Variants in TSPYL1 observed in about 807,000 individuals in gnomAD.
TSPYL1 encodes the protein TSPY like 1.
Under a neutral mutation model 20.1 loss-of-function variants are expected in TSPYL1, and 16 were observed. That is an observed-to-expected ratio of 0.80 (90% confidence interval 0.54 to 1.21). TSPYL1 has a LOEUF of 1.21. TSPYL1 is among the 50% of genes most tolerant of loss of function. The pLI, the probability that TSPYL1 is intolerant of heterozygous loss-of-function variation, is 0.00. For missense variants in TSPYL1, 560 were observed against 569.3 expected, an observed-to-expected ratio of 0.98 and a Z score of 0.17; for synonymous variants, 259 against 227.1, an observed-to-expected ratio of 1.14 and a Z score of -1.26.
chr6:116,278,463 G>C lies in TSPYL1; in HGVS notation c.*54C>G, dbSNP rs1773270699. The C allele has an allele frequency of 4.3e-6, 7 of 1,610,466 alleles. No homozygotes were observed. The highest frequency in any genetic ancestry group is 1.3e-5 in the African/African-American group (1 of 74,842). On this transcript the variant is annotated 3_prime_UTR_variant, in exon 1 of 1. Transcript: ENST00000368608. ...ACTCATTGCTGATGCCCAAGCACAG[G>C]TCCAGCAGAAGGTGGTAGGAGACCT...
At position 116,279,324 on chromosome 6, in the gene TSPYL1, C is replaced by G; in HGVS notation, c.507G>C (p.Glu169Asp). The G allele has an allele frequency of 6.2e-7, 1 of 1,610,814 alleles. No individual in the cohort carries two copies. The change falls in exon 1 of 1, where the codon GAG (glutamate) becomes GAC (aspartate). Residue 169 changes from glutamate to aspartate, a missense_variant. Physicochemically the swap from Glu to Asp is conservative, Grantham distance 45 (BLOSUM62 2). Coordinates refer to ENST00000368608, the MANE Select transcript of TSPYL1 (RefSeq NM_003309.4). ...CCTTCACCACCTCAGCGCTCTCCCT[C>G]TCAGCCACGGCTGCTGAGACGGTGG... is the stretch of plus-strand genomic sequence containing the variant. ...KCATVSAAVA[E>D]RESAEVVKEG... is the part of the protein sequence containing the mutation.
rs1412982846 is a variant in TSPYL1, at chr6:116,276,163, T to TA, written c.*2353dup. On this transcript the variant is annotated 3_prime_UTR_variant, in exon 1 of 1. Transcript: ENST00000368608. ...AACAGAAAGACTTTGGCAGAGGAATTACCAAGGGCAGGCCTTGAAGGATTT... is the reference window on the plus strand; with the variant it reads ...AACAGAAAGACTTTGGCAGAGGAATTAACCAAGGGCAGGCCTTGAAGGATTT... Among the ~76,000 whole-genome samples, 1 of 152,166 alleles carries TA rather than the reference T, an allele frequency of 6.6e-6. No homozygotes were observed. The highest frequency in any genetic ancestry group is 2.4e-5 in the African/African-American group (1 of 41,442).
chr6:116,279,410 C>G lies in TSPYL1; in HGVS notation c.421G>C (p.Ala141Pro), dbSNP rs1773347179. ...TCCGCCCCCGCCGTCAGCTCAGACG[C>G]GGATCTCTGGGCGCCACAGATTTCT... is the stretch of plus-strand genomic sequence containing the variant. ...ALEICGAQRS[A>P]SELTAGAEAE... Residue 141 changes from alanine to proline, a missense_variant, in exon 1 of 1, where the codon GCG becomes CCG. Transcript: ENST00000368608. The G allele has an allele frequency of 1.2e-6, 2 of 1,613,350 alleles. No homozygotes were observed. Among genetic ancestry groups the G allele is most frequent in the Non-Finnish European group, 1.7e-6 (2 of 1,180,036 alleles).
At position 116,278,905 on chromosome 6, in the gene TSPYL1, A is replaced by G. The variant is rs1773301344; in HGVS notation, c.926T>C (p.Val309Ala). 1 of 1,613,912 alleles carries G rather than the reference A, an allele frequency of 6.2e-7. No individual in the cohort carries two copies. The highest frequency in any genetic ancestry group is 8.5e-7 in the Non-Finnish European group (1 of 1,180,018). ...GGTTCTAGGGTGTCTGAGTTCCTTC[A>G]CCTCTAAATTGGTTATGTACCTTAA... ...EMLRYITNLE[V>A]KELRHPRTGC... is the part of the protein sequence containing the mutation. Residue 309 changes from valine (V) to alanine (A), a missense_variant, in exon 1 of 1, where the codon GTG (valine) becomes GCG (alanine). Physicochemically the swap from Val to Ala is moderately conservative, Grantham distance 64. Transcript: ENST00000368608.
chr6:116,275,798 C>CAAA lies in TSPYL1; in HGVS notation c.*2716_*2718dup, dbSNP rs386408358. ...CCTGGGCAAGAGTGGGACTCTATCT[C>CAAA]AAAAAAAAAAAAAAAAAATGCTAGA... On this transcript the variant is annotated 3_prime_UTR_variant, in exon 1 of 1. Transcript: ENST00000368608. Among the ~76,000 whole-genome samples, 153 of 105,494 alleles carry CAAA rather than the reference C, an allele frequency of 1.5e-3. No individual in the cohort carries two copies. The highest frequency in any genetic ancestry group is 1.7e-3 in the African/African-American group (57 of 33,420). 69.2% of individuals were successfully genotyped at this position (105,494 alleles called of 152,430 possible).
Position 116,279,657 on chromosome 6 carries a change from C to A in TSPYL1, c.174G>T (p.Ala58=), listed in dbSNP as rs1304481739. 2 of 1,606,374 alleles carry A rather than the reference C, an allele frequency of 1.2e-6. No individual in the cohort carries two copies. The highest frequency in any genetic ancestry group is 1.7e-6 in the Non-Finnish European group (2 of 1,179,914). The change falls in exon 1 of 1, where the codon GCG becomes GCT. Residue 58 remains alanine (A), a synonymous_variant. Transcript: ENST00000368608. ...EPGEGGSETV[A]LPPPPPSEEG... is the part of the protein sequence containing the mutation. ...CCTCTGAAGGCGGTGGAGGCGGGAG[C>A]GCGACGGTCTCCGAGCCTCCCTCAC...
rs574530006 is a variant in TSPYL1, at chr6:116,275,459, T to G, written c.*3058A>C. Among the ~76,000 whole-genome samples the G allele has an allele frequency of 6.6e-6, 1 of 152,234 alleles. No homozygotes were observed. Among genetic ancestry groups the G allele is most frequent in the Non-Finnish European group, 1.5e-5 (1 of 68,048 alleles). On this transcript the variant is annotated 3_prime_UTR_variant, in exon 1 of 1. Transcript: ENST00000368608. ...AGGTTATTTTGTTCTTTTTCCTCCA[T>G]CTGAGTTTTGTCATTCAATATTTAT...
rs568831648 is a variant in TSPYL1 at position 116,276,357 on chromosome 6, A to C, written c.*2160T>G. Among the ~76,000 whole-genome samples, 48 of 152,340 alleles carry C rather than the reference A, an allele frequency of 3.2e-4. No individual in the cohort carries two copies. The highest frequency in any genetic ancestry group is 1.2e-3 in the African/African-American group (48 of 41,576). ...ATATAATTTATGGAGACAGAAATGG[A>C]GGATTTGAGCAACTGAAGGGGAGGT... On this transcript the variant is annotated 3_prime_UTR_variant, in exon 1 of 1. Coordinates refer to ENST00000368608, the MANE Select transcript of TSPYL1 (RefSeq NM_003309.4).
rs1435562802 is a variant in TSPYL1, at chr6:116,279,792, G to A, written c.39C>T (p.Leu13=). The change falls in exon 1 of 1, where the codon CTC becomes CTT. Residue 13 remains leucine (L), a synonymous_variant. Coordinates refer to ENST00000368608, the MANE Select transcript of TSPYL1 (RefSeq NM_003309.4). The stretch of plus-strand genomic sequence containing the variant: ...CAGAAATAATGATGCTGTGGGTTTG[G>A]AGGGGAGTGGTCCTCTTGACCCCAT... The part of the protein sequence containing the change: ...GLDGVKRTTP[L]QTHSIIISDQ... The A allele has an allele frequency of 6.2e-7, 1 of 1,612,948 alleles. No individual in the cohort carries two copies. Among genetic ancestry groups the A allele is most frequent in the Non-Finnish European group, 8.5e-7 (1 of 1,180,040 alleles).
chr6:116,279,068 G>C lies in TSPYL1; in HGVS notation c.763C>G (p.His255Asp). 2 of 1,613,282 alleles carry C rather than the reference G, an allele frequency of 1.2e-6. No individual in the cohort carries two copies. Among genetic ancestry groups the C allele is most frequent in the Non-Finnish European group, 1.7e-6 (2 of 1,179,360 alleles). The change falls in exon 1 of 1, where the codon CAC (histidine) becomes GAC (aspartate). Residue 255 changes from histidine (H) to aspartate (D), a missense_variant. Physicochemically the swap from His to Asp is moderately conservative, Grantham distance 81 (BLOSUM62 -1). Transcript: ENST00000368608. ...QADRAFQQLE[H>D]KFGRMRRHYL... ...TGTCGACGCATCCGCCCAAACTTGT[G>C]CTCCAGCTGTTGGAAGGCCCTGTCG... is the stretch of plus-strand genomic sequence containing the variant.
At position 116,276,997 on chromosome 6, in the gene TSPYL1, C is replaced by G. The variant is rs1773172199; in HGVS notation, c.*1520G>C. 6.6e-6 allele frequency: 1 copy of G among 152,114 alleles called. No individual in the cohort carries two copies. The highest frequency in any genetic ancestry group is 1.5e-5 in the Non-Finnish European group (1 of 68,000). The allele number at this position is 152,114 out of a possible 1,614,324, so 9.4% of individuals were successfully genotyped here. On this transcript the variant is annotated 3_prime_UTR_variant, in exon 1 of 1. Coordinates refer to ENST00000368608, the MANE Select transcript of TSPYL1 (RefSeq NM_003309.4). Reference sequence around the variant, plus strand: ...CTATGTTTCTAGGAATATAGTTTAACAGAAACAAGAACAAGTTGAAAACTG... The same window carrying G: ...CTATGTTTCTAGGAATATAGTTTAAGAGAAACAAGAACAAGTTGAAAACTG...
In TSPYL1 at chr6:116,279,243, C is replaced by G. The variant is rs544820480; in HGVS notation, c.588G>C (p.Pro196=). ...CCACTTCTATTTCTTCACCTTCTGG[C>G]GGCTGCTCCTCTACCTCCATCTGCT... ...MEEQMEVEEQ[P]PEGEEIEVAE... Residue 196 remains proline, a synonymous_variant, in exon 1 of 1, where the codon CCG becomes CCC. Transcript: ENST00000368608. 6.2e-7 allele frequency: 1 copy of G among 1,608,736 alleles called. No homozygotes were observed. The highest frequency in any genetic ancestry group is 1.3e-5 in the African/African-American group (1 of 74,986).
rs1773356584 is a variant in TSPYL1, at chr6:116,279,475, C to G, written c.356G>C (p.Arg119Pro). ...AAASVVMAAD[R>P]SLKKGVQGGE... ...ACCCTGAACGCCCTTTTTCAGGCTGCGGTCGGCTGCCATCACCACAGAAGC... is the reference window on the plus strand; with the variant it reads ...ACCCTGAACGCCCTTTTTCAGGCTGGGGTCGGCTGCCATCACCACAGAAGC... Residue 119 changes from arginine (R) to proline (P), a missense_variant, in exon 1 of 1, where the codon CGC (arginine) becomes CCC (proline). By Grantham distance (103) the Arg-to-Pro change is moderately radical. Transcript: ENST00000368608. 1 of 1,612,278 alleles carries G rather than the reference C, an allele frequency of 6.2e-7. No homozygotes were observed. The highest frequency in any genetic ancestry group is 8.5e-7 in the Non-Finnish European group (1 of 1,180,024).
rs1172868960 is a variant in TSPYL1, at chr6:116,278,853, T to C, written c.978A>G (p.Arg326=). 1.9e-6 allele frequency: 3 copies of C among 1,614,056 alleles called. No homozygotes were observed. The African/African-American group carries it at 4.0e-5, about 22-fold the overall frequency. ...RTGCKFKFFF[R]RNPYFRNKLI... is the part of the protein sequence containing the mutation. ...GCTTGTTTCTGAAGTAGGGGTTTCT[T>C]CTAAAGAAGAACTTGAACTTGCAAC... The change falls in exon 1 of 1, where the codon AGA becomes AGG. Residue 326 remains arginine (R), a synonymous_variant. Coordinates refer to ENST00000368608, the MANE Select transcript of TSPYL1 (RefSeq NM_003309.4).
rs1773116820 is a variant in TSPYL1 at position 116,275,858 on chromosome 6, C to T, written c.*2659G>A. Among the ~76,000 whole-genome samples, 1 of 151,010 alleles carries T rather than the reference C, an allele frequency of 6.6e-6. No individual in the cohort carries two copies. The highest frequency in any genetic ancestry group is 2.1e-4 in the South Asian group (1 of 4,802). ...CCATGTAAAATGCACTGCATCTCCA[C>T]TTTCACAAAGTTTCCAAACTACTGA... On this transcript the variant is annotated 3_prime_UTR_variant, in exon 1 of 1. Coordinates refer to ENST00000368608, the MANE Select transcript of TSPYL1 (RefSeq NM_003309.4).
chr6:116,279,655 A>C lies in TSPYL1; in HGVS notation c.176T>G (p.Leu59Arg). 1 of 1,605,898 alleles carries C rather than the reference A, an allele frequency of 6.2e-7. No homozygotes were observed. The highest frequency in any genetic ancestry group is 8.5e-7 in the Non-Finnish European group (1 of 1,179,884). Residue 59 changes from leucine to arginine, a missense_variant, in exon 1 of 1, where the codon CTC (leucine) becomes CGC (arginine). Physicochemically the swap from Leu to Arg is moderately radical, Grantham distance 102. Coordinates refer to ENST00000368608, the MANE Select transcript of TSPYL1 (RefSeq NM_003309.4). ...CTCCTCTGAAGGCGGTGGAGGCGGG[A>C]GCGCGACGGTCTCCGAGCCTCCCTC... ...PGEGGSETVA[L>R]PPPPPSEEGG...
Position 116,278,955 on chromosome 6 carries a change from C to G in TSPYL1, c.876G>C (p.Met292Ile). 6.2e-7 allele frequency: 1 copy of G among 1,614,122 alleles called. No individual in the cohort carries two copies. Among genetic ancestry groups the G allele is most frequent in the African/African-American group, 1.3e-5 (1 of 75,030 alleles). The change falls in exon 1 of 1, where the codon ATG (methionine) becomes ATC (isoleucine). Residue 292 changes from methionine to isoleucine, a missense_variant. By Grantham distance (10) the Met-to-Ile change is conservative. Transcript: ENST00000368608. Reference sequence around the variant, plus strand: ...ACATCTCTGCATCTTGGCCCCTAATCATGGCGGACAACTGGGGGTGGTTTC... The same window carrying G: ...ACATCTCTGCATCTTGGCCCCTAATGATGGCGGACAACTGGGGGTGGTTTC... ...AFRNHPQLSAMIRGQDAEMLR... is the reference protein window; with the variant it reads ...AFRNHPQLSAIIRGQDAEMLR...
At position 116,278,433 on chromosome 6, in the gene TSPYL1, G is replaced by A. The variant is rs1358077900; in HGVS notation, c.*84C>T. Reference sequence around the variant, plus strand: ...TCAGCAAAAACAAAGCACAATAGAAGGCATACTCATTGCTGATGCCCAAGC... The same window carrying A: ...TCAGCAAAAACAAAGCACAATAGAAAGCATACTCATTGCTGATGCCCAAGC... On this transcript the variant is annotated 3_prime_UTR_variant, in exon 1 of 1. Transcript: ENST00000368608. 1 of 1,572,278 alleles carries A rather than the reference G, an allele frequency of 6.4e-7. No individual in the cohort carries two copies. Among genetic ancestry groups the A allele is most frequent in the African/African-American group, 1.3e-5 (1 of 74,102 alleles).
At position 116,275,699 on chromosome 6, in the gene TSPYL1, C is replaced by T. The variant is rs530072824; in HGVS notation, c.*2818G>A. 1.3e-5 allele frequency among the ~76,000 whole-genome samples: 2 copies of T among 151,648 alleles called. No individual in the cohort carries two copies. Among genetic ancestry groups the T allele is most frequent in the South Asian group, 2.1e-4 (1 of 4,812 alleles). ...CCTGTAGTCCCAGCTACTCGGGAGG[C>T]TGATGCTGGAGAACTGCTTGAAACC... On this transcript the variant is annotated 3_prime_UTR_variant, in exon 1 of 1. Transcript: ENST00000368608.
Sources: allele counts gnomAD v4.1 joint callset (sites outside exome capture counted in the v4.1 genomes callset), GRCh38; gene constraint gnomAD v4.1.1; transcripts MANE v1.5; gene names NCBI Gene and HGNC (gene_info 2026-07-23, HGNC 2026-07-21).